The following TM6SF2 variants were observed in gnomAD, a reference collection of about 807,000 sequenced individuals.
The protein encoded by TM6SF2 is transmembrane 6 superfamily member 2.
In TM6SF2, 29 loss-of-function variants were observed where a neutral mutation model predicts 41.0. The observed-to-expected ratio is 0.71, with a 90% CI of 0.53 to 0.96. The LOEUF is 0.96. TM6SF2 is among the 50% of genes least tolerant of loss of function. The pLI is 0.00. For missense variants in TM6SF2, 475 were observed against 499.0 expected, an observed-to-expected ratio of 0.95 and a Z score of 0.46; for synonymous variants, 200 against 209.1, an observed-to-expected ratio of 0.96 and a Z score of 0.37.
In TM6SF2 at chr19:19,270,568, C is replaced by A. The variant is rs371788568; in HGVS notation, c.200-126G>T. 5.2e-4 allele frequency: 622 copies of A among 1,187,298 alleles called. 1 individual carries two copies. In the African/African-American group the frequency reaches 7.2e-3, roughly 14 times the overall value. The allele number at this position is 1,187,298 out of a possible 1,614,324, so 73.5% of individuals were successfully genotyped here. A position where few individuals can be genotyped will look rare whatever the true frequency, so the allele number is the denominator to read the frequency against. ...GATTATTCCAGGCAAGGACTCCAGG[C>A]CCAGTCCCTGCCCCAACCCCAAAGG... is the stretch of plus-strand genomic sequence containing the variant. On this transcript the variant is annotated intron_variant, in intron 2 of 9. Coordinates refer to ENST00000389363, the MANE Select transcript of TM6SF2 (RefSeq NM_001001524.3).
intron 5 of TM6SF2, 77 bp downstream of exon 5, chr19:19,269,610 T>C: frequency 4.5e-6 from 7 of 1,560,082 alleles, no homozygotes; most frequent in Non-Finnish European, 6.2e-6. Flanking sequence ...GGATGGAGGA[T>C]CCAATGGGGG....
In TM6SF2 at chr19:19,264,830, G is replaced by C; in HGVS notation, c.968C>G (p.Pro323Arg). ...HMGASMHLRT[P>R]FTYRVPEDTW... ...GTCCTCAGGCACACGGTAGGTGAAG[G>C]GTGTGCGCAGGTGCATGGAAGCCCC... Residue 323 changes from proline to arginine, a missense_variant, in exon 10 of 10, where the codon CCC (proline) becomes CGC (arginine). Physicochemically the swap from Pro to Arg is moderately radical, Grantham distance 103 (BLOSUM62 -2). Coordinates refer to ENST00000389363, the MANE Select transcript of TM6SF2 (RefSeq NM_001001524.3). 6.3e-7 allele frequency: 1 copy of C among 1,596,264 alleles called. No individual in the cohort carries two copies. Among genetic ancestry groups the C allele is most frequent in the Non-Finnish European group, 8.5e-7 (1 of 1,172,162 alleles).
rs931138472 is a variant in TM6SF2, at chr19:19,271,230, G to C, written c.96-105C>G. The C allele has an allele frequency of 2.5e-5, 22 of 868,074 alleles. No homozygotes were observed. In the East Asian group the frequency reaches 5.5e-4, roughly 22 times the overall value. The allele number at this position is 868,074 out of a possible 1,614,324, so 53.8% of individuals were successfully genotyped here. Reference sequence around the variant, plus strand: ...CAGACTCCTGGAAGCCCCAGGGGAAGAGACTAAAGTGTCTGTTCATCCATC... The same window carrying C: ...CAGACTCCTGGAAGCCCCAGGGGAACAGACTAAAGTGTCTGTTCATCCATC... On this transcript the variant is annotated intron_variant, in intron 1 of 9. Coordinates refer to ENST00000389363, the MANE Select transcript of TM6SF2 (RefSeq NM_001001524.3).
At chr19:19,272,991 G>T in intron 1 of TM6SF2, 130 bp downstream of exon 1, 1 of 678,156 alleles carries the variant, frequency 1.5e-6, no homozygotes, top group Non-Finnish European at 2.2e-6. Context: ...TCGGAGCTGA[G>T]CTGGGGCGCA....
At chr19:19,266,001 A>T (rs911839910) in intron 9 of TM6SF2, among the ~76,000 whole-genome samples, 1 of 152,086 alleles carries the variant, frequency 6.6e-6, no homozygotes, top group Non-Finnish European at 1.5e-5. Flanking sequence ...CCTAGCTCTG[A>T]CTGGGCCCCT....
At position 19,264,519 on chromosome 19, in the gene TM6SF2, C is replaced by T; in HGVS notation, c.*145G>A. Reference sequence around the variant, plus strand: ...AACACTTGGTCGTTGGTCTCCATCCCACCCACTGGACTGAAACTACCATAG... The same window carrying T: ...AACACTTGGTCGTTGGTCTCCATCCTACCCACTGGACTGAAACTACCATAG... On this transcript the variant is annotated 3_prime_UTR_variant, in exon 10 of 10. Transcript: ENST00000389363. The T allele has an allele frequency of 1.6e-6, 1 of 623,610 alleles. No homozygotes were observed. The highest frequency in any genetic ancestry group is 2.4e-6 in the Non-Finnish European group (1 of 417,084). The allele number at this position is 623,610 out of a possible 1,614,324, so 38.6% of individuals were successfully genotyped here.
chr19:19,273,104 C>T lies in TM6SF2; in HGVS notation c.95+17G>A. 1 of 1,373,712 alleles carries T rather than the reference C, an allele frequency of 7.3e-7. No individual in the cohort carries two copies. The highest frequency in any genetic ancestry group is 1.3e-5 in the South Asian group (1 of 75,542). 85.1% of individuals were successfully genotyped at this position (1,373,712 alleles called of 1,614,324 possible). A position where few individuals can be genotyped will look rare whatever the true frequency, so the allele number is the denominator to read the frequency against. ...CCCACTGTCCCCAAGGCCGCCCTGG[C>T]CCCTCTCCGCACGCACTGCGAGAGC... On this transcript the variant is annotated intron_variant, in intron 1 of 9. Coordinates refer to ENST00000389363, the MANE Select transcript of TM6SF2 (RefSeq NM_001001524.3).
In TM6SF2 at chr19:19,266,616, G is replaced by T; in HGVS notation, c.805-7C>A. The T allele has an allele frequency of 6.2e-7, 1 of 1,610,518 alleles. No individual in the cohort carries two copies. Among genetic ancestry groups the T allele is most frequent in the South Asian group, 1.1e-5 (1 of 90,836 alleles). On this transcript the variant is annotated splice_polypyrimidine_tract_variant and splice_region_variant and intron_variant, in intron 8 of 9. Transcript: ENST00000389363. ...AAAACATGTACATCAGCATCTGCAG[G>T]GGCGGGAGGAGAGGGGCACCAGCCT...
chr19:19,266,622 G>A lies in TM6SF2; in HGVS notation c.805-13C>T. On this transcript the variant is annotated splice_polypyrimidine_tract_variant and intron_variant, in intron 8 of 9. Coordinates refer to ENST00000389363, the MANE Select transcript of TM6SF2 (RefSeq NM_001001524.3). ...TGTACATCAGCATCTGCAGGGGCGG[G>A]AGGAGAGGGGCACCAGCCTGTGAGA... 1 of 1,607,230 alleles carries A rather than the reference G, an allele frequency of 6.2e-7. No individual in the cohort carries two copies.
chr19:19,269,844 C>A (rs779164806), intron 4 of TM6SF2, 75 bp from the exon 5 acceptor site: 5 of 1,604,806 alleles, frequency 3.1e-6, no homozygotes, highest in Non-Finnish European at 4.3e-6. Flanking sequence ...GCCTGGAGAC[C>A]ACCGTGGGTT....
At position 19,269,560 on chromosome 19, in the gene TM6SF2, C is replaced by T. The variant is rs759458881; in HGVS notation, c.484+127G>A. 233 of 1,155,992 alleles carry T rather than the reference C, an allele frequency of 2.0e-4. 1 individual carries two copies. The highest frequency in any genetic ancestry group is 7.2e-4 in the Middle Eastern group (3 of 4,176). The allele number at this position is 1,155,992 out of a possible 1,614,324, so 71.6% of individuals were successfully genotyped here. ...GGGCTGCTGACTGAGGCTGTGGACA[C>T]GCAAAGAGGGAGGTGGGGCCTCTGC... On this transcript the variant is annotated intron_variant, in intron 5 of 9. Transcript: ENST00000389363.
rs8112245 is a variant in TM6SF2 at position 19,264,562 on chromosome 19, C to G, written c.*102G>C. 2.9e-6 allele frequency: 3 copies of G among 1,043,522 alleles called. No homozygotes were observed. Among genetic ancestry groups the G allele is most frequent in the Non-Finnish European group, 3.9e-6 (3 of 776,820 alleles). The allele number at this position is 1,043,522 out of a possible 1,614,324, so 64.6% of individuals were successfully genotyped here. On this transcript the variant is annotated 3_prime_UTR_variant, in exon 10 of 10. Transcript: ENST00000389363. ...TACCATAGCCAAGACTAAAGACACC[C>G]GGAGATGTCCCTCCTGTCTCTAAAA...
intron 6 of TM6SF2, 40 bp downstream of exon 6, chr19:19,268,590 G>C: frequency 6.5e-7 from 1 of 1,529,672 alleles, no homozygotes; most frequent in Non-Finnish European, 8.7e-7. Flanking sequence ...GGAAAGTTCA[G>C]GCACATTGGG....
In TM6SF2 at chr19:19,270,280, T is replaced by G. The variant is rs553868693; in HGVS notation, c.298-4A>C. ...CTGTGCGCAGGTATGGCTCTCCCTG[T>G]GGGGGCAGGTGGGAGACTCAGACGG... On this transcript the variant is annotated splice_polypyrimidine_tract_variant and splice_region_variant and intron_variant, in intron 3 of 9. Coordinates refer to ENST00000389363, the MANE Select transcript of TM6SF2 (RefSeq NM_001001524.3). The G allele has an allele frequency of 6.2e-7, 1 of 1,614,136 alleles. No individual in the cohort carries two copies. Among genetic ancestry groups the G allele is most frequent in the South Asian group, 1.1e-5 (1 of 91,082 alleles).
intron 8 of TM6SF2, chr19:19,266,837 C>G: frequency 2.2e-6 from 1 of 464,286 alleles, no homozygotes; most frequent in Admixed American, 3.5e-5. Flanking sequence ...GCATGCGACC[C>G]TGGCCTAGCC....
At chr19:19,270,986 G>A in intron 2 of TM6SF2, 36 bp downstream of exon 2, 1 of 1,581,980 alleles carries the variant, frequency 6.3e-7, no homozygotes, top group South Asian at 1.1e-5. Flanking sequence ...CCCTTGCCTG[G>A]ACAGTCTTCT....
intron 9 of TM6SF2, 83 bp from the exon 10 acceptor site, chr19:19,264,956 T>G: frequency 9.1e-7 from 1 of 1,094,366 alleles, no homozygotes; most frequent in Non-Finnish European, 1.2e-6. Flanking sequence ...CCCAGGTAGG[T>G]CAGGCAGAAC....
intron 4 of TM6SF2, 177 bp downstream of exon 4, chr19:19,269,996 C>A: frequency 6.7e-7 from 1 of 1,489,892 alleles, no homozygotes. Context: ...TGCTAGGCCA[C>A]CACCTACACC....
chr19:19,266,692 G>A (rs1009149007), intron 8 of TM6SF2, 83 bp from the exon 9 acceptor site: 1 of 1,504,522 alleles, frequency 6.6e-7, no homozygotes, highest in Non-Finnish European at 8.9e-7. Flanking sequence ...CTGAGGTGGA[G>A]GCCCTGAGGA....
Sources: allele counts gnomAD v4.1 joint callset (sites outside exome capture counted in the v4.1 genomes callset), GRCh38; gene constraint gnomAD v4.1.1; transcripts MANE v1.5; gene names NCBI Gene and HGNC (gene_info 2026-07-23, HGNC 2026-07-21).